OGG1: variants seen among roughly 807,000 people sequenced by gnomAD.
OGG1 encodes N-glycosylase/DNA lyase.
Under a neutral mutation model 42.3 loss-of-function variants are expected in OGG1, and 35 were observed. The ratio of observed to expected loss-of-function variants is 0.83; its 90% confidence interval spans 0.63 to 1.10. The LOEUF is 1.10. Ranked by LOEUF, OGG1 falls within the 50% of genes least tolerant of loss-of-function variation. OGG1 has a pLI of 0.00. For synonymous variants in OGG1, 189 were observed against 179.0 expected, an observed-to-expected ratio of 1.06 and a Z score of -0.44; for missense variants, 484 against 446.7, an observed-to-expected ratio of 1.08 and a Z score of -0.75.
chr3:9,753,912 A>G (rs1394673841), intron 3 of OGG1, among the ~76,000 whole-genome samples: 1 of 152,108 alleles, frequency 6.6e-6, no homozygotes, highest in African/African-American at 2.4e-5. Flanking sequence ...CCAAGGTGGG[A>G]GGATGGCTTG....
At chr3:9,760,952 C>T (rs955816197), downstream of OGG1, 38 of 871,548 alleles carry the variant, frequency 4.4e-5, no homozygotes, top group Non-Finnish European at 5.9e-5. Flanking sequence ...CTTGTATGTG[C>T]CGCCATCTTG....
At chr3:9,785,928 CCTTG>C in intron 3 of OGG1, among the ~76,000 whole-genome samples, 1 of 150,260 alleles carries the variant, frequency 6.7e-6, no homozygotes, top group African/African-American at 2.5e-5. Context: ...ACACACTCCT[CCTTG>C]TTTTGTTTTG....
chr3:9,789,969 A>G, downstream of OGG1: 1 of 1,581,744 alleles, frequency 6.3e-7, no homozygotes, highest in Non-Finnish European at 8.6e-7. Flanking sequence ...AGGATCTGAA[A>G]TTTACAGAAA....
At chr3:9,757,509 G>T (rs1288826075), downstream of OGG1, 1 of 1,607,188 alleles carries the variant, frequency 6.2e-7, no homozygotes, top group Non-Finnish European at 8.5e-7. The surrounding 1 kb of genome is among the most constrained non-coding windows in gnomAD (Gnocchi z 4.5). Context: ...GCCCTCCCAC[G>T]CAGAGGATCA....
At chr3:9,767,872 T>C (rs1265472381), downstream of OGG1, 2 of 1,451,132 alleles carry the variant, frequency 1.4e-6, no homozygotes, top group South Asian at 1.4e-5. Context: ...TCAACCTGCA[T>C]TTATTCATCC....
intron 2 of OGG1, among the ~76,000 whole-genome samples, chr3:9,777,254 G>A (rs558260360): frequency 6.6e-6 from 1 of 152,348 alleles, no homozygotes; most frequent in East Asian, 1.9e-4. Context: ...CTCCAAACTA[G>A]TGATAAGGAA....
chr3:9,788,108 A>C, exon 4 of OGG1: 1 of 218,780 alleles, frequency 4.6e-6, no homozygotes, highest in Non-Finnish European at 9.4e-6. Flanking sequence ...AAAGGCCTGG[A>C]TGCAGCGCCA....
At chr3:9,754,925 A>C in intron 4 of OGG1, 40 bp downstream of exon 4, 1 of 1,520,658 alleles carries the variant, frequency 6.6e-7, no homozygotes, top group Non-Finnish European at 8.9e-7. Context: ...CTCTACTGAC[A>C]CTAAGAGGAG....
downstream of OGG1, chr3:9,761,241 T>G: frequency 2.0e-6 from 1 of 489,902 alleles, no homozygotes; most frequent in Non-Finnish European, 3.6e-6. Context: ...GGCAGGCACT[T>G]TGTCTGGTTT....
At chr3:9,785,336 G>C (rs1157915247) in intron 3 of OGG1, 1 of 1,614,000 alleles carries the variant, frequency 6.2e-7, no homozygotes, top group Admixed American at 1.7e-5. Flanking sequence ...TGTTCTGATT[G>C]CGAGGGGAGG....
chr3:9,780,687 G>A lies in OGG1; in HGVS notation c.295-826G>A, dbSNP rs1444826787. ...GTCATACAGTCGTGACCAAAAAGCA[G>A]TTACTGACCTACACTTACATGGCAC... On this transcript the variant is annotated intron_variant, in intron 2 of 3. Transcript: ENST00000426518. 10 of 792,502 alleles carry A rather than the reference G, an allele frequency of 1.3e-5. No individual in the cohort carries two copies. The East Asian group carries it at 2.4e-4, about 19-fold the overall frequency. 49.1% of individuals were successfully genotyped at this position (792,502 alleles called of 1,614,324 possible).
intron 2 of OGG1, among the ~76,000 whole-genome samples, chr3:9,774,688 T>G (rs59120188): frequency 6.6e-6 from 1 of 152,262 alleles, no homozygotes; most frequent in African/African-American, 2.4e-5. Context: ...TACAAAAAAG[T>G]ACAAAATAGA....
At chr3:9,755,533 G>A (rs573705866) in intron 4 of OGG1, among the ~76,000 whole-genome samples, 3 of 148,392 alleles carry the variant, frequency 2.0e-5, no homozygotes, top group South Asian at 2.1e-4. Context: ...GTGCAATCTC[G>A]GCTCACTGCA....
chr3:9,772,326 G>A lies in OGG1; in HGVS notation c.295-9187G>A, dbSNP rs142653743. On this transcript the variant is annotated intron_variant, in intron 2 of 3. Transcript: ENST00000426518. ...CTGATGAGATTCTTTCGCTTCCCAAGTGACAGAATGCCAACCTAAACCAGC... is the reference window on the plus strand; with the variant it reads ...CTGATGAGATTCTTTCGCTTCCCAAATGACAGAATGCCAACCTAAACCAGC... Among the ~76,000 whole-genome samples, 12 of 152,282 alleles carry A rather than the reference G, an allele frequency of 7.9e-5. No homozygotes were observed. In the East Asian group the frequency reaches 1.7e-3, roughly 22 times the overall value.
chr3:9,750,905 G>C (rs369859700), intron 1 of OGG1, 40 bp from the exon 2 acceptor site: 144 of 1,612,910 alleles, frequency 8.9e-5, no homozygotes, highest in Middle Eastern at 1.8e-4. Context: ...GTGCAAGAAA[G>C]GAAATTGAGT....
chr3:9,789,673 A>G (rs777414708), downstream of OGG1: 3 of 1,609,750 alleles, frequency 1.9e-6, no homozygotes, highest in Non-Finnish European at 2.5e-6. Context: ...CTCCACCACC[A>G]GAACCTTGAG....
chr3:9,750,786 T>C (rs2077265294), intron 1 of OGG1, 159 bp from the exon 2 acceptor site: 2 of 947,770 alleles, frequency 2.1e-6, no homozygotes, highest in Non-Finnish European at 3.2e-6. Context: ...AATTTTTGTA[T>C]TTTTTGTAGA....
chr3:9,751,081 G>A lies in OGG1; in HGVS notation c.274G>A (p.Glu92Lys), dbSNP rs778262169. 6.2e-7 allele frequency: 1 copy of A among 1,614,080 alleles called. No individual in the cohort carries two copies. The highest frequency in any genetic ancestry group is 8.5e-7 in the Non-Finnish European group (1 of 1,179,976). The change falls in exon 2 of 7, where the codon GAG becomes AAG. Residue 92 changes from glutamate to lysine, a missense_variant. Glu to Lys is a moderately conservative substitution (Grantham distance 56). Transcript: ENST00000344629. ...KSQASRPTPDELEAVRKYFQL... is the reference protein window; with the variant it reads ...KSQASRPTPDKLEAVRKYFQL... The stretch of plus-strand genomic sequence containing the variant: ...CCAGGCTAGCAGGCCCACACCAGAC[G>A]AGCTGGAGGCCGTGCGCAAGTACTT...
intron 3 of OGG1, among the ~76,000 whole-genome samples, chr3:9,784,638 G>C (rs1210404597): frequency 6.6e-6 from 1 of 151,994 alleles, no homozygotes; most frequent in Non-Finnish European, 1.5e-5. Flanking sequence ...GCCGAGGTGG[G>C]AGGATCACCT....
Sources: gnomAD v4.1 joint callset for allele counts (sites outside exome capture counted in the v4.1 genomes callset) on GRCh38, gnomAD v4.1.1 for gene constraint, Gnocchi (gnomAD v3.1) non-coding constraint, MANE v1.5 for transcripts, NCBI Gene and HGNC (gene_info 2026-07-23, HGNC 2026-07-21) for gene names.